The following ANK2 variants were observed in gnomAD, a reference collection of about 807,000 sequenced individuals.
ANK2 encodes ankyrin 2, also known as ankyrin-2.
ANK2 carries 83 observed loss-of-function variants against 360.5 expected under a neutral mutation model. The ratio of observed to expected loss-of-function variants is 0.23; its 90% CI spans 0.19 to 0.28. ANK2 has a LOEUF of 0.28. Ranked by LOEUF, ANK2 falls within the 10% of genes least tolerant of loss-of-function variation. The probability of loss-of-function intolerance (pLI) is 1.00; values close to 1 mark genes in which losing one functional copy is unlikely to be tolerated. For synonymous variants in ANK2, 1,740 were observed against 1,759.5 expected (o/e 0.99, Z 0.28); for missense variants, 4,201 against 4,795.7 (o/e 0.88, Z 3.66).
Position 113,357,159 on chromosome 4 carries a change from A to G in ANK2, c.8541A>G (p.Ser2847=). The G allele has an allele frequency of 6.2e-7, 1 of 1,614,154 alleles. No individual in the cohort carries two copies. The highest frequency in any genetic ancestry group is 1.1e-5 in the South Asian group (1 of 91,086). The part of the protein sequence containing the change: ...ADCPSESFSS[S]SSLPHCLVSE... ...GCCCCAGTGAAAGCTTTTCATCTTC[A>G]TCCTCTTTGCCTCATTGTTTGGTAT... Residue 2847 remains serine, a synonymous_variant, in exon 38 of 46, where the codon TCA becomes TCG. Coordinates refer to ENST00000357077, the MANE Select transcript of ANK2 (RefSeq NM_001148.6).
At chr4:113,118,005 T>C (rs10034728) in intron 1 of ANK2, among the ~76,000 whole-genome samples, 62 of 152,356 alleles carry the variant, frequency 4.1e-4, no homozygotes, top group African/African-American at 1.4e-3. Context: ...TTAATTTTTT[T>C]GTTTTCTATC....
At chr4:113,280,406 C>T (rs2061845232) in intron 17 of ANK2, among the ~76,000 whole-genome samples, 1 of 152,152 alleles carries the variant, frequency 6.6e-6, no homozygotes, top group African/African-American at 2.4e-5. Context: ...TTGTCTACTC[C>T]AGAGTCCACA....
chr4:112,739,181 T>A, the ANK2 span: 1 of 353,522 alleles, frequency 2.8e-6, no homozygotes, highest in Non-Finnish European at 5.4e-6. Flanking sequence ...ACAAAAAAAC[T>A]CCTACATTCT....
intron 1 of ANK2, among the ~76,000 whole-genome samples, chr4:113,085,551 C>T (rs1033089072): frequency 1.3e-5 from 2 of 152,136 alleles, no homozygotes; most frequent in Non-Finnish European, 2.9e-5. Flanking sequence ...TCATGATCCA[C>T]CTGCCTCGGC....
intron 2 of ANK2, among the ~76,000 whole-genome samples, chr4:113,012,953 A>G (rs900703395): frequency 6.6e-6 from 1 of 152,202 alleles, no homozygotes; most frequent in Non-Finnish European, 1.5e-5. Context: ...TCTTCTTAGA[A>G]TAAGTGAAGG....
intron 2 of ANK2, among the ~76,000 whole-genome samples, chr4:112,973,674 TG>T (rs2040386588): frequency 6.6e-6 from 1 of 152,234 alleles, no homozygotes; most frequent in East Asian, 1.9e-4. Context: ...GGATAGTGAC[TG>T]AAATGTTAAA....
chr4:112,961,867 G>A (rs1287703571), intron 2 of ANK2, among the ~76,000 whole-genome samples: 1 of 152,100 alleles, frequency 6.6e-6, no homozygotes. Context: ...AAAATATAAT[G>A]ATACTTGGAT....
the ANK2 span, among the ~76,000 whole-genome samples, chr4:112,804,014 G>GTTTT: frequency 2.1e-5 from 3 of 142,726 alleles, no homozygotes; most frequent in Non-Finnish European, 1.5e-5. Flanking sequence ...CAATCTCACG[G>GTTTT]TTTTTTTTTT....
intron 2 of ANK2, among the ~76,000 whole-genome samples, chr4:112,973,069 T>C (rs896459951): frequency 4.6e-5 from 7 of 151,946 alleles, no homozygotes; most frequent in African/African-American, 1.7e-4. Flanking sequence ...CTGGGAACAG[T>C]GTACACTGCT....
At chr4:112,887,748 G>A (rs1269188612) in intron 1 of ANK2, among the ~76,000 whole-genome samples, 1 of 151,698 alleles carries the variant, frequency 6.6e-6, no homozygotes, top group Non-Finnish European at 1.5e-5. Flanking sequence ...AAAAAAAAAA[G>A]CAGTTGGTTA....
intron 2 of ANK2, among the ~76,000 whole-genome samples, chr4:113,012,938 A>G (rs1430401459): frequency 6.6e-6 from 1 of 152,176 alleles, no homozygotes; most frequent in Non-Finnish European, 1.5e-5. Context: ...GAATGTCAAC[A>G]TTATTCTTCT....
At position 113,255,670 on chromosome 4, in the gene ANK2, T is replaced by C. The variant is rs149393340; in HGVS notation, c.991-65T>C. On this transcript the variant is annotated intron_variant, in intron 10 of 45. Coordinates refer to ENST00000357077, the MANE Select transcript of ANK2 (RefSeq NM_001148.6). ...TAGAGATCAAGAATCAACTTTGCTG[T>C]ACTTTGGAACCTGAAAATAATGAAA... The C allele has an allele frequency of 2.5e-4, 392 of 1,555,738 alleles. 1 individual carries two copies. The African/African-American group carries it at 4.6e-3, about 18-fold the overall frequency.
At chr4:113,023,414 T>C (rs994087363) in intron 2 of ANK2, among the ~76,000 whole-genome samples, 1 of 152,206 alleles carries the variant, frequency 6.6e-6, no homozygotes, top group African/African-American at 2.4e-5. Context: ...TCCTCCATCT[T>C]TCTCATGCCC....
intron 45 of ANK2, chr4:113,378,079 T>C (rs2097022933): frequency 8.2e-7 from 1 of 1,223,302 alleles, no homozygotes; most frequent in Non-Finnish European, 1.1e-6. Context: ...TTTCTTTTCT[T>C]CTTACTTCAG....
intron 1 of ANK2, among the ~76,000 whole-genome samples, chr4:113,059,815 T>C (rs2072199771): frequency 1.3e-5 from 2 of 152,142 alleles, no homozygotes; most frequent in African/African-American, 4.8e-5. Context: ...ATACTGAGGT[T>C]TGGGGATGAG....
In ANK2 at chr4:113,208,033, A is replaced by G. The variant is rs148245504; in HGVS notation, c.384+8924A>G. 1.8e-3 allele frequency among the ~76,000 whole-genome samples: 271 copies of G among 152,278 alleles called. 2 individuals are homozygous for G. Among genetic ancestry groups the G allele is most frequent in the Non-Finnish European group, 3.3e-3 (222 of 68,034 alleles). On this transcript the variant is annotated intron_variant, in intron 4 of 45. Transcript: ENST00000357077. ...GAAACATCCAGGGGAAATGCAGTGT[A>G]TGAAATGAAGCCTGAGGAAGAAAGT...
At chr4:112,827,368 A>G (rs1344167063) in intron 1 of ANK2, 1 of 1,351,942 alleles carries the variant, frequency 7.4e-7, no homozygotes, top group Non-Finnish European at 1.1e-6. Context: ...GATACAGCAT[A>G]GAGATGCTAA....
chr4:113,292,338 A>G (rs1397212469), intron 20 of ANK2, 78 bp from the exon 21 acceptor site: 2 of 1,254,884 alleles, frequency 1.6e-6, no homozygotes, highest in East Asian at 2.5e-5. Context: ...AAATAAGACT[A>G]TTCAAAATGA....
intron 32 of ANK2, among the ~76,000 whole-genome samples, chr4:113,340,260 G>A (rs1046723359): frequency 2.0e-5 from 3 of 152,336 alleles, no homozygotes; most frequent in African/African-American, 4.8e-5. Context: ...TATCTGAGAA[G>A]AGGTGACTCG....
Sources: gnomAD v4.1 joint callset for allele counts (sites outside exome capture counted in the v4.1 genomes callset) on GRCh38, gnomAD v4.1.1 for gene constraint, MANE v1.5 for transcripts, NCBI Gene and HGNC (gene_info 2026-07-23, HGNC 2026-07-21) for gene names.